JMJD1C: variants seen among roughly 807,000 people sequenced by gnomAD.
JMJD1C encodes jumonji domain-containing protein 1C.
JMJD1C carries 31 observed loss-of-function variants against 245.3 expected under a neutral mutation model. The observed-to-expected ratio is 0.13, with a 90% CI of 0.09 to 0.17. The LOEUF (loss-of-function observed/expected upper bound fraction) is 0.17. Ranked by LOEUF, JMJD1C falls within the 10% of genes least tolerant of loss-of-function variation. The pLI is 1.00. For missense variants in JMJD1C, 2,691 were observed against 3,000.2 expected (o/e 0.90, Z 2.41); for synonymous variants, 1,057 against 1,017.4 (o/e 1.04, Z -0.74).
intron 1 of JMJD1C, among the ~76,000 whole-genome samples, chr10:63,498,600 T>G (rs1408901112): frequency 6.6e-6 from 1 of 152,116 alleles, no homozygotes; most frequent in Non-Finnish European, 1.5e-5. Context: ...GCCCCGACCC[T>G]ACACCCCCTA....
intron 1 of JMJD1C, among the ~76,000 whole-genome samples, chr10:63,392,315 A>AT (rs1348219987): frequency 3.9e-5 from 6 of 152,182 alleles, no homozygotes; most frequent in African/African-American, 1.4e-4. Flanking sequence ...TTATGCAAAG[A>AT]TTTTATGGCT....
At chr10:63,395,197 G>T (rs921503324) in intron 1 of JMJD1C, among the ~76,000 whole-genome samples, 1 of 152,046 alleles carries the variant, frequency 6.6e-6, no homozygotes, top group African/African-American at 2.4e-5. Flanking sequence ...TAAAATTTTT[G>T]GCCAGGTGCA....
chr10:63,261,100 A>T (rs530182489), intron 3 of JMJD1C, among the ~76,000 whole-genome samples: 1 of 152,190 alleles, frequency 6.6e-6, no homozygotes, highest in African/African-American at 2.4e-5. Context: ...TTGTGTGCAC[A>T]GGGAAGGAGA....
Position 63,167,405 on chromosome 10 carries a change from C to T in JMJD1C, c.*640G>A, listed in dbSNP as rs1841956508. 1 of 152,440 alleles carries T rather than the reference C, an allele frequency of 6.6e-6. No homozygotes were observed. The highest frequency in any genetic ancestry group is 1.5e-5 in the Non-Finnish European group (1 of 67,998). 9.4% of individuals were successfully genotyped at this position (152,440 alleles called of 1,614,324 possible). A position where few individuals can be genotyped will look rare whatever the true frequency, so the allele number is the denominator to read the frequency against. ...AGTTTAATATTTAGCTTTAAAAGTT[C>T]ACATAAATTTTACCAAAATGAGACA... is the stretch of plus-strand genomic sequence containing the variant. On this transcript the variant is annotated 3_prime_UTR_variant, in exon 26 of 26. Transcript: ENST00000399262.
chr10:63,465,241 C>T (rs1444316597), intron 1 of JMJD1C: 10 of 433,974 alleles, frequency 2.3e-5, no homozygotes, highest in Non-Finnish European at 3.2e-5. Context: ...TCGACCCCTC[C>T]GGGATGGGGG....
chr10:63,502,924 TAAC>T (rs999465921), intron 1 of JMJD1C, among the ~76,000 whole-genome samples: 6 of 152,092 alleles, frequency 3.9e-5, no homozygotes, highest in Admixed American at 2.0e-4. Flanking sequence ...GAATAATGGG[TAAC>T]AATTACTGAG....
At chr10:63,289,173 C>T (rs1858347461) in intron 2 of JMJD1C, among the ~76,000 whole-genome samples, 2 of 151,960 alleles carry the variant, frequency 1.3e-5, no homozygotes, top group Non-Finnish European at 2.9e-5. Flanking sequence ...GTTTTCTACA[C>T]AACACTAGTA....
At chr10:63,363,415 T>C (rs1240427861) in intron 2 of JMJD1C, among the ~76,000 whole-genome samples, 1 of 152,008 alleles carries the variant, frequency 6.6e-6, no homozygotes, top group Non-Finnish European at 1.5e-5. Flanking sequence ...CATGCCGCCA[T>C]GCCTGGCTAA....
rs188065170 is a variant in JMJD1C, at chr10:63,392,204, A to C, written c.169-11722T>G. Among the ~76,000 whole-genome samples, 5 of 152,288 alleles carry C rather than the reference A, an allele frequency of 3.3e-5. No homozygotes were observed. The East Asian group carries it at 9.6e-4, about 29-fold the overall frequency. ...AAACTGGACCCCTATCTCTCACCGTATACAAAATTCAACTCAGGATGGATT... is the reference window on the plus strand; with the variant it reads ...AAACTGGACCCCTATCTCTCACCGTCTACAAAATTCAACTCAGGATGGATT... On this transcript the variant is annotated intron_variant, in intron 1 of 25. Transcript: ENST00000399262.
intron 2 of JMJD1C, among the ~76,000 whole-genome samples, chr10:63,319,684 C>T (rs1443404588): frequency 6.6e-6 from 1 of 152,104 alleles, no homozygotes; most frequent in Non-Finnish European, 1.5e-5. Flanking sequence ...GTCCTTTTAT[C>T]CCCGTGAAAT....
intron 2 of JMJD1C, among the ~76,000 whole-genome samples, chr10:63,288,184 A>G (rs954029415): frequency 6.6e-6 from 1 of 152,198 alleles, no homozygotes; most frequent in South Asian, 2.1e-4. Context: ...AAATCCCTGT[A>G]TAAGTAGATC....
At chr10:63,237,021 CA>C (rs1356526471) in intron 3 of JMJD1C, among the ~76,000 whole-genome samples, 2 of 151,912 alleles carry the variant, frequency 1.3e-5, no homozygotes, top group African/African-American at 4.8e-5. Context: ...TCATACAGAA[CA>C]AACACTGTTT....
At chr10:63,452,241 GCAAAA>G (rs979266780) in intron 1 of JMJD1C, among the ~76,000 whole-genome samples, 6 of 152,034 alleles carry the variant, frequency 3.9e-5, no homozygotes, top group Admixed American at 1.3e-4. Context: ...CTATAACAAA[GCAAAA>G]CAAAACAAAA....
At chr10:63,325,398 T>G (rs1273163575) in intron 2 of JMJD1C, among the ~76,000 whole-genome samples, 1 of 152,140 alleles carries the variant, frequency 6.6e-6, no homozygotes, top group African/African-American at 2.4e-5. Context: ...TGGAGTGCTG[T>G]GAGGAGATCA....
chr10:63,189,589 T>C (rs1158534599), intron 17 of JMJD1C, 143 bp from the exon 18 acceptor site: 1 of 727,478 alleles, frequency 1.4e-6, no homozygotes, highest in Non-Finnish European at 2.2e-6. Flanking sequence ...CCTATATTCC[T>C]GACAAAATGC....
intron 2 of JMJD1C, among the ~76,000 whole-genome samples, chr10:63,273,960 A>C (rs1378088166): frequency 6.6e-6 from 1 of 152,222 alleles, no homozygotes; most frequent in Non-Finnish European, 1.5e-5. Context: ...GGCCATGAAA[A>C]GAATACATCT....
At chr10:63,245,133 C>CAAAAAAAAAAAAAAAAAA (rs71025133) in intron 3 of JMJD1C, among the ~76,000 whole-genome samples, 1 of 65,684 alleles carries the variant, frequency 1.5e-5, no homozygotes, top group Non-Finnish European at 2.9e-5. Flanking sequence ...GACTCTGTCT[C>CAAAAAAAAAAAAAAAAAA]AAAAAAAAAA....
chr10:63,333,969 AT>A (rs1287669693), intron 2 of JMJD1C, among the ~76,000 whole-genome samples: 2 of 152,236 alleles, frequency 1.3e-5, no homozygotes, highest in Non-Finnish European at 2.9e-5. Flanking sequence ...ATTAAAAAAA[AT>A]AATGTATTAG....
intron 1 of JMJD1C, among the ~76,000 whole-genome samples, chr10:63,410,859 G>T (rs777352751): frequency 7.9e-5 from 12 of 152,102 alleles, no homozygotes; most frequent in Non-Finnish European, 1.8e-4. Flanking sequence ...ACAATCCTAA[G>T]CATTTTCAGG....
Sources: allele counts gnomAD v4.1 joint callset (sites outside exome capture counted in the v4.1 genomes callset), GRCh38; gene constraint gnomAD v4.1.1; transcripts MANE v1.5; gene names NCBI Gene and HGNC (gene_info 2026-07-23, HGNC 2026-07-21).